Variants in SYNPR observed in about 807,000 individuals in gnomAD.
The protein encoded by SYNPR is synaptoporin.
A neutral mutation model predicts 32.9 loss-of-function variants in SYNPR; 23 were observed. The ratio of observed to expected loss-of-function variants is 0.70; its 90% CI spans 0.50 to 0.99. SYNPR has a LOEUF of 0.99. SYNPR is among the 50% of genes least tolerant of loss of function. The probability of loss-of-function intolerance (pLI) is 0.00; values close to 1 mark genes in which losing one functional copy is unlikely to be tolerated. For missense variants in SYNPR, 318 were observed against 349.3 expected, an observed-to-expected ratio of 0.91 and a Z score of 0.71; for synonymous variants, 146 against 135.9, an observed-to-expected ratio of 1.07 and a Z score of -0.52.
chr3:63,544,035 T>A (rs937437568), intron 3 of SYNPR, among the ~76,000 whole-genome samples: 2 of 152,006 alleles, frequency 1.3e-5, no homozygotes, highest in East Asian at 3.9e-4. Context: ...GTTAAGGGGT[T>A]TGAATATGAC....
chr3:63,538,508 A>G (rs1347382740), intron 3 of SYNPR, among the ~76,000 whole-genome samples: 1 of 152,042 alleles, frequency 6.6e-6, no homozygotes, highest in Non-Finnish European at 1.5e-5. Context: ...TGATCTCATA[A>G]AAACAGTATA....
At chr3:63,211,443 T>G in the SYNPR span, among the ~76,000 whole-genome samples, 2 of 152,196 alleles carry the variant, frequency 1.3e-5, no homozygotes, top group Admixed American at 6.5e-5. Flanking sequence ...GATTCAAGTT[T>G]ACAGTTTTTT....
intron 3 of SYNPR, among the ~76,000 whole-genome samples, chr3:63,505,295 C>T (rs1254949814): frequency 6.6e-6 from 1 of 152,170 alleles, no homozygotes. Context: ...AAGACCTCAA[C>T]TTAACACCTT....
At chr3:63,390,561 G>A (rs1003505807) in intron 2 of SYNPR, among the ~76,000 whole-genome samples, 3 of 152,192 alleles carry the variant, frequency 2.0e-5, no homozygotes, top group South Asian at 2.1e-4. Context: ...AATAGAGCCC[G>A]TTGTGCATCT....
intron 2 of SYNPR, among the ~76,000 whole-genome samples, chr3:63,313,717 CCATATATAT>C (rs1560188664): frequency 1.2e-4 from 7 of 58,348 alleles, no homozygotes; most frequent in Non-Finnish European, 2.2e-4. Context: ...ATATATATAT[CCATATATAT>C]ATATCCATAT....
chr3:63,283,793 C>T (rs1233806825), intron 2 of SYNPR, among the ~76,000 whole-genome samples: 1 of 149,864 alleles, frequency 6.7e-6, no homozygotes, highest in African/African-American at 2.5e-5. Flanking sequence ...TGGTATAGTC[C>T]TTCCACAGAT....
At chr3:63,476,756 A>G (rs1235837410) in intron 2 of SYNPR, among the ~76,000 whole-genome samples, 1 of 152,172 alleles carries the variant, frequency 6.6e-6, no homozygotes, top group Non-Finnish European at 1.5e-5. Flanking sequence ...CCCCCCAGGT[A>G]TAACCTCCTG....
intron 3 of SYNPR, among the ~76,000 whole-genome samples, chr3:63,543,231 G>C (rs1702338736): frequency 6.6e-6 from 1 of 152,072 alleles, no homozygotes; most frequent in Non-Finnish European, 1.5e-5. Flanking sequence ...TTGATCTAAT[G>C]CATCCCTCGA....
At chr3:63,379,229 G>T (rs1016865416) in intron 2 of SYNPR, among the ~76,000 whole-genome samples, 1 of 151,944 alleles carries the variant, frequency 6.6e-6, no homozygotes, top group Non-Finnish European at 1.5e-5. Context: ...GCCTGTCTTT[G>T]TATGTGTTCA....
intron 2 of SYNPR, among the ~76,000 whole-genome samples, chr3:63,371,655 C>T (rs754618798): frequency 6.6e-6 from 1 of 152,242 alleles, no homozygotes; most frequent in African/African-American, 2.4e-5. Flanking sequence ...CTCCCCAGTG[C>T]AGCACAGCTG....
chr3:63,498,295 A>T (rs775227688), intron 3 of SYNPR, among the ~76,000 whole-genome samples: 20 of 152,164 alleles, frequency 1.3e-4, no homozygotes, highest in Non-Finnish European at 2.4e-4. Context: ...TCATTCATAG[A>T]GCACATTTTT....
chr3:63,430,709 A>G (rs2107144786), intron 2 of SYNPR, among the ~76,000 whole-genome samples: 1 of 152,344 alleles, frequency 6.6e-6, no homozygotes, highest in East Asian at 1.9e-4. Context: ...GCTATCTGAG[A>G]GACCTAGATT....
chr3:63,281,698 C>T (rs2086631440), intron 2 of SYNPR, among the ~76,000 whole-genome samples: 1 of 152,282 alleles, frequency 6.6e-6, no homozygotes, highest in South Asian at 2.1e-4. Flanking sequence ...CTAAGACCAT[C>T]ACTTTGGGAA....
chr3:63,466,248 ACCT>A (rs1700676702), intron 2 of SYNPR, among the ~76,000 whole-genome samples: 1 of 144,886 alleles, frequency 6.9e-6, no homozygotes, highest in African/African-American at 2.7e-5. Flanking sequence ...TCTCTCTCTC[ACCT>A]CCTTTCTCTT....
chr3:63,382,646 A>G (rs1186632228), intron 2 of SYNPR, among the ~76,000 whole-genome samples: 1 of 152,166 alleles, frequency 6.6e-6, no homozygotes, highest in Non-Finnish European at 1.5e-5. Context: ...GGAACACACC[A>G]CTGTGTCTAT....
At chr3:63,491,096 C>A (rs1048614097) in intron 3 of SYNPR, among the ~76,000 whole-genome samples, 3 of 151,016 alleles carry the variant, frequency 2.0e-5, no homozygotes, top group African/African-American at 7.3e-5. Flanking sequence ...AAGAAGACAA[C>A]CAGCGGATTT....
intron 3 of SYNPR, among the ~76,000 whole-genome samples, chr3:63,542,765 G>A (rs1702329942): frequency 1.3e-5 from 2 of 152,102 alleles, no homozygotes; most frequent in Admixed American, 1.3e-4. Context: ...CTATTGCTTA[G>A]TGTGATGACT....
intron 3 of SYNPR, among the ~76,000 whole-genome samples, chr3:63,270,494 G>A (rs962242878): frequency 1.3e-5 from 2 of 152,164 alleles, no homozygotes; most frequent in African/African-American, 2.4e-5. Flanking sequence ...ATTTAATTAG[G>A]CAGTTGGGAC....
chr3:63,209,315 CA>C, the SYNPR span, among the ~76,000 whole-genome samples: 149 of 103,238 alleles, frequency 1.4e-3, 1 homozygote, highest in African/African-American at 3.7e-3. Context: ...GACTCCGTCT[CA>C]AAAAAAAAAA....
Sources: gnomAD v4.1 joint callset for allele counts (sites outside exome capture counted in the v4.1 genomes callset) on GRCh38, gnomAD v4.1.1 for gene constraint, MANE v1.5 for transcripts, NCBI Gene and HGNC (gene_info 2026-07-23, HGNC 2026-07-21) for gene names.